The following KIAA1958 variants were observed in gnomAD, a reference collection of about 807,000 sequenced individuals.
KIAA1958 encodes the protein uncharacterized protein KIAA1958.
A neutral mutation model predicts 47.2 loss-of-function variants in KIAA1958; 14 were observed. The observed-to-expected ratio is 0.30, with a 90% CI of 0.20 to 0.46. The LOEUF is 0.46. KIAA1958 is among the 20% of genes least tolerant of loss of function. The pLI is 1.00. For missense variants in KIAA1958, 803 were observed against 909.2 expected, an observed-to-expected ratio of 0.88 and a Z score of 1.50; for synonymous variants, 354 against 353.3, an observed-to-expected ratio of 1.00 and a Z score of -0.02.
chr9:112,566,271 A>G (rs1361840777), intron 1 of KIAA1958, among the ~76,000 whole-genome samples: 1 of 152,066 alleles, frequency 6.6e-6, no homozygotes, highest in Non-Finnish European at 1.5e-5. Flanking sequence ...AAAATTTATA[A>G]TTTTATCCAC....
intron 1 of KIAA1958, among the ~76,000 whole-genome samples, chr9:112,565,329 C>A (rs1194765046): frequency 6.6e-6 from 1 of 152,134 alleles, no homozygotes; most frequent in Non-Finnish European, 1.5e-5. Context: ...GTCTCAAACC[C>A]CTGGGCTCAA....
In KIAA1958 at chr9:112,666,713, G is replaced by A. The variant is rs906173270; in HGVS notation, c.*6644G>A. 4.6e-5 allele frequency: 7 copies of A among 152,178 alleles called. No homozygotes were observed. Among genetic ancestry groups the A allele is most frequent in the African/African-American group, 1.7e-4 (7 of 41,438 alleles). The allele number at this position is 152,178 out of a possible 1,614,324, so 9.4% of individuals were successfully genotyped here. ...AATTCCTGGCTTACTTCATGAAACA[G>A]GCCCTGTGAAATTAAAAACATGAAA... is the stretch of plus-strand genomic sequence containing the variant. On this transcript the variant is annotated 3_prime_UTR_variant, in exon 4 of 4. Transcript: ENST00000337530.
intron 2 of KIAA1958, among the ~76,000 whole-genome samples, chr9:112,620,817 A>C (rs902499307): frequency 1.3e-5 from 2 of 152,164 alleles, no homozygotes; most frequent in Non-Finnish European, 2.9e-5. Flanking sequence ...AAAATAGGAA[A>C]ACACAGATAA....
chr9:112,666,891 T>C lies in KIAA1958; in HGVS notation c.*6822T>C, dbSNP rs951257228. Reference sequence around the variant, plus strand: ...TCTTCTTTCTCCCCAACCCACTTCCTCTTCATTCAATCCCACATAAATCTT... The same window carrying C: ...TCTTCTTTCTCCCCAACCCACTTCCCCTTCATTCAATCCCACATAAATCTT... On this transcript the variant is annotated 3_prime_UTR_variant, in exon 4 of 4. Transcript: ENST00000337530. The C allele has an allele frequency of 6.6e-6, 1 of 152,204 alleles. No homozygotes were observed. Among genetic ancestry groups the C allele is most frequent in the African/African-American group, 2.4e-5 (1 of 41,440 alleles). 9.4% of individuals were successfully genotyped at this position (152,204 alleles called of 1,614,324 possible).
In KIAA1958 at chr9:112,574,062, A is replaced by G; in HGVS notation, c.-19A>G. ...TTTTGATTATTTCCCTTTAGGAGTG[A>G]CACTGCTGATCCTGTAACATGGAGG... is the stretch of plus-strand genomic sequence containing the variant. On this transcript the variant is annotated 5_prime_UTR_variant, in exon 2 of 4. Coordinates refer to ENST00000337530, the MANE Select transcript of KIAA1958 (RefSeq NM_133465.4). The G allele has an allele frequency of 6.7e-7, 1 of 1,494,814 alleles. No homozygotes were observed. Among genetic ancestry groups the G allele is most frequent in the Non-Finnish European group, 9.1e-7 (1 of 1,099,228 alleles). 92.6% of individuals were successfully genotyped at this position (1,494,814 alleles called of 1,614,324 possible).
In KIAA1958 at chr9:112,595,009, TTAATA is replaced by T. The variant is rs1156986800; in HGVS notation, c.1171+19762_1171+19766del. ...ATCTTTTTATGTGTTTCTGCTATAT[TTAATA>T]TAAGAGTTTTAAAACATAGGGACAT... On this transcript the variant is annotated intron_variant, in intron 2 of 3. Transcript: ENST00000337530. Among the ~76,000 whole-genome samples, 41 of 152,196 alleles carry T rather than the reference TTAATA, an allele frequency of 2.7e-4. 1 individual carries two copies. Among genetic ancestry groups the T allele is most frequent in the African/African-American group, 8.2e-4 (34 of 41,446 alleles).
intron 1 of KIAA1958, among the ~76,000 whole-genome samples, chr9:112,488,033 G>A (rs1290499646): frequency 1.3e-5 from 2 of 151,840 alleles, no homozygotes; most frequent in Admixed American, 1.3e-4. Context: ...TCGCAAGACG[G>A]AATCCTCTCC....
At chr9:112,597,418 A>G (rs1302155228) in intron 2 of KIAA1958, among the ~76,000 whole-genome samples, 1 of 152,240 alleles carries the variant, frequency 6.6e-6, no homozygotes, top group Non-Finnish European at 1.5e-5. Flanking sequence ...AGAAGCACGG[A>G]AAGCTGGAAT....
intron 1 of KIAA1958, among the ~76,000 whole-genome samples, chr9:112,505,407 A>G (rs557178917): frequency 2.0e-5 from 3 of 152,334 alleles, no homozygotes; most frequent in Admixed American, 2.0e-4. Flanking sequence ...CGTGAGGATT[A>G]GGTAAATTCG....
At chr9:112,558,156 C>T (rs754624140) in intron 1 of KIAA1958, among the ~76,000 whole-genome samples, 22 of 151,442 alleles carry the variant, frequency 1.5e-4, no homozygotes, top group East Asian at 1.9e-4. Context: ...ACCCGGGAGG[C>T]GGAAATTACA....
chr9:112,533,438 C>T (rs1306198929), intron 1 of KIAA1958, among the ~76,000 whole-genome samples: 13 of 150,594 alleles, frequency 8.6e-5, no homozygotes, highest in South Asian at 2.1e-4. Context: ...AAAAAATAGC[C>T]AGGCGTGGTG....
rs138148851 is a variant in KIAA1958, at chr9:112,594,237, C to T, written c.1171+18986C>T. 2.9e-3 allele frequency among the ~76,000 whole-genome samples: 439 copies of T among 152,302 alleles called. 3 individuals carry two copies. The highest frequency in any genetic ancestry group is 5.2e-3 in the Non-Finnish European group (352 of 68,028). ...GAAGACAGATTTTGCTGGACAGCAGCAATTTCTGCCAAATGTTTTCCAATT... is the reference window on the plus strand; with the variant it reads ...GAAGACAGATTTTGCTGGACAGCAGTAATTTCTGCCAAATGTTTTCCAATT... On this transcript the variant is annotated intron_variant, in intron 2 of 3. Coordinates refer to ENST00000337530, the MANE Select transcript of KIAA1958 (RefSeq NM_133465.4).
In KIAA1958 at chr9:112,574,981, G is replaced by A; in HGVS notation, c.901G>A (p.Gly301Ser). Reference protein sequence around the residue: ...SPNRGPPGTHGTNQQVAMQMP... With the variant: ...SPNRGPPGTHSTNQQVAMQMP... ...AAACAGAGGACCCCCTGGTACACAT[G>A]GCACCAACCAACAGGTGGCCATGCA... The change falls in exon 2 of 4, where the codon GGC becomes AGC. Residue 301 changes from glycine (G) to serine (S), a missense_variant. By Grantham distance (56) the Gly-to-Ser change is moderately conservative (BLOSUM62 0). This residue lies in a region of KIAA1958 where 761 missense variants were observed against 829.3 expected (regional missense o/e 0.92). Coordinates refer to ENST00000337530, the MANE Select transcript of KIAA1958 (RefSeq NM_133465.4). 1 of 1,614,160 alleles carries A rather than the reference G, an allele frequency of 6.2e-7. No individual in the cohort carries two copies. The highest frequency in any genetic ancestry group is 1.1e-5 in the South Asian group (1 of 91,072).
At chr9:112,502,724 G>A (rs1432203594) in intron 1 of KIAA1958, among the ~76,000 whole-genome samples, 5 of 152,206 alleles carry the variant, frequency 3.3e-5, no homozygotes, top group Non-Finnish European at 7.3e-5. Context: ...GTCTGTGGTT[G>A]CTTTTGTGCT....
chr9:112,487,390 C>T (rs1253387228), intron 1 of KIAA1958, among the ~76,000 whole-genome samples: 1 of 151,636 alleles, frequency 6.6e-6, no homozygotes, highest in Non-Finnish European at 1.5e-5. Context: ...TCCGCCTGCC[C>T]CGGGCCGCCC....
In KIAA1958 at chr9:112,535,679, G is replaced by A. The variant is rs139198852; in HGVS notation, c.-24-38378G>A. ...TTTTCCATAATGGCTATACCAATTT[G>A]CATTTTCACTAACAGTGTACAAGGG... is the stretch of plus-strand genomic sequence containing the variant. On this transcript the variant is annotated intron_variant, in intron 1 of 3. Transcript: ENST00000337530. Among the ~76,000 whole-genome samples, 1,074 of 152,054 alleles carry A rather than the reference G, an allele frequency of 7.1e-3. 14 individuals carry two copies. Among genetic ancestry groups the A allele is most frequent in the African/African-American group, 0.025 (1,037 of 41,484 alleles).
At chr9:112,543,182 G>A (rs1487110695) in intron 1 of KIAA1958, among the ~76,000 whole-genome samples, 1 of 152,108 alleles carries the variant, frequency 6.6e-6, no homozygotes, top group Non-Finnish European at 1.5e-5. Context: ...GAGGCTTACT[G>A]CCAGTAACAA....
intron 2 of KIAA1958, among the ~76,000 whole-genome samples, chr9:112,612,123 A>T (rs2131210827): frequency 6.6e-6 from 1 of 152,258 alleles, no homozygotes; most frequent in East Asian, 1.9e-4. Context: ...AAGAATTAAG[A>T]CTTTCTAGGC....
chr9:112,660,325 T>C lies in KIAA1958; in HGVS notation c.*256T>C, dbSNP rs1460694612. ...TTTAGAATCTAACACAATGTATAAT[T>C]GTTACATACAAGAGTGAGGAAATTC... On this transcript the variant is annotated 3_prime_UTR_variant, in exon 4 of 4. Transcript: ENST00000337530. 1 of 514,016 alleles carries C rather than the reference T, an allele frequency of 1.9e-6. No individual in the cohort carries two copies. Among genetic ancestry groups the C allele is most frequent in the East Asian group, 3.2e-5 (1 of 31,606 alleles). The allele number at this position is 514,016 out of a possible 1,614,324, so 31.8% of individuals were successfully genotyped here. A position where few individuals can be genotyped will look rare whatever the true frequency, so the allele number is the denominator to read the frequency against.
Sources: allele counts gnomAD v4.1 joint callset (sites outside exome capture counted in the v4.1 genomes callset), GRCh38; gene constraint gnomAD v4.1.1; regional missense constraint gnomAD v4.1.1; transcripts MANE v1.5; gene names NCBI Gene and HGNC (gene_info 2026-07-23, HGNC 2026-07-21).